The following PRMT8 variants were observed in gnomAD, a reference collection of about 807,000 sequenced individuals.
PRMT8 encodes protein arginine methyltransferase 8, also known as protein arginine N-methyltransferase 8.
In PRMT8, 7 loss-of-function variants were observed where a neutral mutation model predicts 47.1. The ratio of observed to expected loss-of-function variants is 0.15; its 90% CI spans 0.08 to 0.28. The LOEUF (loss-of-function observed/expected upper bound fraction) is 0.28. PRMT8 is among the 10% of genes least tolerant of loss of function. The pLI is 1.00. For synonymous variants in PRMT8, 188 were observed against 186.5 expected (o/e 1.01, Z -0.07); for missense variants, 237 against 505.4 (o/e 0.47, Z 5.09).
At chr12:3,425,809 A>G (rs1051745837) in intron 1 of PRMT8, among the ~76,000 whole-genome samples, 1 of 152,266 alleles carries the variant, frequency 6.6e-6, no homozygotes, top group Non-Finnish European at 1.5e-5. Context: ...CAATTGGACT[A>G]AAGAACAAGT....
intron 4 of PRMT8, among the ~76,000 whole-genome samples, chr12:3,560,121 G>A (rs1866607152): frequency 6.6e-6 from 1 of 152,184 alleles, no homozygotes; most frequent in African/African-American, 2.4e-5. Flanking sequence ...AGCCAGCGAG[G>A]CCACGCAGGG....
At chr12:3,581,133 G>A (rs1421877073) in intron 7 of PRMT8, among the ~76,000 whole-genome samples, 2 of 152,196 alleles carry the variant, frequency 1.3e-5, no homozygotes, top group Non-Finnish European at 2.9e-5. Flanking sequence ...ATGTGCCAAT[G>A]GAAGGACGTG....
intron 1 of PRMT8, among the ~76,000 whole-genome samples, chr12:3,452,288 C>G (rs1297403622): frequency 6.7e-6 from 1 of 150,350 alleles, no homozygotes; most frequent in African/African-American, 2.5e-5. Flanking sequence ...TTTAAGAAAC[C>G]TGCACATGTG....
chr12:3,576,202 G>A lies in PRMT8; in HGVS notation c.713-669G>A, dbSNP rs1413379571. 6.6e-6 allele frequency among the ~76,000 whole-genome samples: 1 copy of A among 152,188 alleles called. No homozygotes were observed. Among genetic ancestry groups the A allele is most frequent in the Non-Finnish European group, 1.5e-5 (1 of 68,032 alleles). ...CCACTTGGGGGTAGTTCCTAATGGG[G>A]TGGATCCTTAGTGAGTGCATCTTGG... On this transcript the variant is annotated intron_variant, in intron 6 of 9. Coordinates refer to ENST00000382622, the MANE Select transcript of PRMT8 (RefSeq NM_019854.5). The surrounding 1 kb of genome is among the most constrained non-coding windows in gnomAD (Gnocchi z 4.0).
chr12:3,443,747 C>T (rs1358171794), intron 1 of PRMT8, among the ~76,000 whole-genome samples: 2 of 152,164 alleles, frequency 1.3e-5, no homozygotes, highest in African/African-American at 4.8e-5. Context: ...AAATTGAGAC[C>T]CCTCTCCCTA....
At chr12:3,406,235 C>G (rs1864371762) in intron 1 of PRMT8, among the ~76,000 whole-genome samples, 1 of 152,216 alleles carries the variant, frequency 6.6e-6, no homozygotes, top group South Asian at 2.1e-4. Flanking sequence ...GGTTCTGGGG[C>G]TACACACAGC....
intron 1 of PRMT8, among the ~76,000 whole-genome samples, chr12:3,434,300 G>T (rs1044163729): frequency 3.3e-5 from 5 of 152,158 alleles, no homozygotes; most frequent in African/African-American, 4.8e-5. Flanking sequence ...AGGGCTACTA[G>T]GCACAAGCAA....
chr12:3,505,652 C>T lies in PRMT8; in HGVS notation c.75+13952C>T, dbSNP rs1302290917. Among the ~76,000 whole-genome samples the T allele has an allele frequency of 2.0e-5, 3 of 152,194 alleles. 1 individual carries two copies. Among genetic ancestry groups the T allele is most frequent in the African/African-American group, 7.2e-5 (3 of 41,426 alleles). ...TTGCAATTAAGGAAACTGAAATTTG[C>T]AGAGTTTCATTATCCTGATCAACAT... On this transcript the variant is annotated intron_variant, in intron 1 of 9. Transcript: ENST00000382622.
chr12:3,522,819 A>G (rs1865900661), intron 1 of PRMT8, among the ~76,000 whole-genome samples: 1 of 152,084 alleles, frequency 6.6e-6, no homozygotes, highest in South Asian at 2.1e-4. Context: ...AAAAAACAGA[A>G]AAAAATGAAA....
At chr12:3,401,233 T>C (rs1011358208) in intron 1 of PRMT8, among the ~76,000 whole-genome samples, 1 of 151,854 alleles carries the variant, frequency 6.6e-6, no homozygotes, top group Non-Finnish European at 1.5e-5. Context: ...ACCACATGAT[T>C]ATCTCAATAG....
intron 1 of PRMT8, among the ~76,000 whole-genome samples, chr12:3,438,450 C>T (rs1369493916): frequency 6.6e-6 from 1 of 152,220 alleles, no homozygotes; most frequent in Non-Finnish European, 1.5e-5. Flanking sequence ...TCTCATGACA[C>T]CTGCTTTCAT....
intron 1 of PRMT8, among the ~76,000 whole-genome samples, chr12:3,417,153 G>T (rs1413539135): frequency 6.6e-6 from 1 of 152,216 alleles, no homozygotes; most frequent in Non-Finnish European, 1.5e-5. Context: ...AACCAAGGAT[G>T]TTTGAATGAG....
intron 1 of PRMT8, among the ~76,000 whole-genome samples, chr12:3,519,010 T>G (rs546400075): frequency 1.3e-5 from 2 of 152,310 alleles, no homozygotes; most frequent in South Asian, 4.1e-4. Context: ...GTTTAGCTGC[T>G]GACCCTGAAG....
chr12:3,464,558 T>C (rs562403203), intron 1 of PRMT8, among the ~76,000 whole-genome samples: 12 of 152,308 alleles, frequency 7.9e-5, no homozygotes, highest in Non-Finnish European at 1.2e-4. Flanking sequence ...TTATTCAATA[T>C]TTATTACTTA....
intron 2 of PRMT8, among the ~76,000 whole-genome samples, chr12:3,548,964 TACA>T (rs1168345969): frequency 6.6e-6 from 1 of 152,094 alleles, no homozygotes; most frequent in Non-Finnish European, 1.5e-5. Context: ...GGGAATACCA[TACA>T]ACAACAACAA....
intron 1 of PRMT8, among the ~76,000 whole-genome samples, chr12:3,479,039 A>G (rs1865246872): frequency 6.6e-6 from 1 of 152,236 alleles, no homozygotes; most frequent in South Asian, 2.1e-4. Context: ...GGGTGACCAG[A>G]GTCAGAGTCA....
At chr12:3,470,456 T>C (rs1865148384) in intron 1 of PRMT8, among the ~76,000 whole-genome samples, 1 of 152,182 alleles carries the variant, frequency 6.6e-6, no homozygotes, top group African/African-American at 2.4e-5. Context: ...TGTTTGAACC[T>C]GCCAACCTTC....
chr12:3,537,180 G>A (rs1313768188), intron 1 of PRMT8, among the ~76,000 whole-genome samples: 2 of 152,240 alleles, frequency 1.3e-5, no homozygotes, highest in East Asian at 3.8e-4. Flanking sequence ...ATGCAGAGCT[G>A]TGGTTGTTTT....
chr12:3,489,329 G>A (rs1865350760), upstream of PRMT8, among the ~76,000 whole-genome samples: 1 of 151,948 alleles, frequency 6.6e-6, no homozygotes, highest in Non-Finnish European at 1.5e-5. Flanking sequence ...GTTAGTCACA[G>A]AAGGCATGCA....
Sources: gnomAD v4.1 joint callset for allele counts (sites outside exome capture counted in the v4.1 genomes callset) on GRCh38, gnomAD v4.1.1 for gene constraint, Gnocchi (gnomAD v3.1) non-coding constraint, MANE v1.5 for transcripts, NCBI Gene and HGNC (gene_info 2026-07-23, HGNC 2026-07-21) for gene names.